Variants in ATP11B observed in about 807,000 individuals in gnomAD.
ATP11B encodes phospholipid-transporting ATPase IF.
A neutral mutation model predicts 157.8 loss-of-function variants in ATP11B; 81 were observed. That is an observed-to-expected ratio of 0.51 (90% confidence interval 0.43 to 0.62). ATP11B has a LOEUF of 0.62. ATP11B is among the 20% of genes least tolerant of loss of function. ATP11B has a pLI of 0.00. For synonymous variants in ATP11B, 451 were observed against 469.4 expected, an observed-to-expected ratio of 0.96 and a Z score of 0.51; for missense variants, 1,165 against 1,402.2, an observed-to-expected ratio of 0.83 and a Z score of 2.70.
At chr3:182,795,983 C>A (rs1011800187) in intron 1 of ATP11B, among the ~76,000 whole-genome samples, 1 of 152,104 alleles carries the variant, frequency 6.6e-6, no homozygotes. Flanking sequence ...ATATTTAATT[C>A]GTTATATGAA....
intron 1 of ATP11B, among the ~76,000 whole-genome samples, chr3:182,798,286 G>A (rs952128): frequency 6.6e-6 from 1 of 152,140 alleles, no homozygotes; most frequent in Non-Finnish European, 1.5e-5. Context: ...GCCCATTGTA[G>A]GTATTCACCT....
intron 19 of ATP11B, among the ~76,000 whole-genome samples, chr3:182,878,628 T>C (rs1180608042): frequency 1.3e-5 from 2 of 152,228 alleles, no homozygotes; most frequent in Non-Finnish European, 2.9e-5. Context: ...GCAGTGAGAC[T>C]GTACTTGGAG....
chr3:182,825,488 G>A (rs1338722437), intron 2 of ATP11B, among the ~76,000 whole-genome samples: 1 of 152,106 alleles, frequency 6.6e-6, no homozygotes, highest in Admixed American at 6.6e-5. Context: ...GGAGGCCAAG[G>A]TGGGCGGATC....
At position 182,793,658 on chromosome 3, in the gene ATP11B, C is replaced by T; in HGVS notation, c.-102C>T. On this transcript the variant is annotated 5_prime_UTR_variant, in exon 1 of 30. Coordinates refer to ENST00000323116, the MANE Select transcript of ATP11B (RefSeq NM_014616.3). ...GCGGCGGCGGCGGTAAGCGGAACTT[C>T]GGCCCGAGGGGCTCGCCCGCTCCCG... 1.4e-6 allele frequency: 1 copy of T among 703,602 alleles called. No homozygotes were observed. The highest frequency in any genetic ancestry group is 2.1e-6 in the Non-Finnish European group (1 of 483,776). 43.6% of individuals were successfully genotyped at this position (703,602 alleles called of 1,614,324 possible).
At chr3:182,811,680 T>C (rs1376038538) in intron 1 of ATP11B, among the ~76,000 whole-genome samples, 3 of 152,226 alleles carry the variant, frequency 2.0e-5, no homozygotes, top group Non-Finnish European at 4.4e-5. Context: ...TGTAGAACAC[T>C]AAGTATATGA....
chr3:182,905,837 C>T (rs1479525019), intron 28 of ATP11B: 1 of 456,724 alleles, frequency 2.2e-6, no homozygotes, highest in Non-Finnish European at 4.4e-6. Flanking sequence ...TATGAATTTG[C>T]TGAAAGCCAG....
chr3:182,914,722 AC>A, intron 29 of ATP11B: 1 of 985,366 alleles, frequency 1.0e-6, no homozygotes, highest in Non-Finnish European at 1.2e-6. Flanking sequence ...GAAAAAAAAC[AC>A]CTTTTGGTAA....
intron 1 of ATP11B, among the ~76,000 whole-genome samples, chr3:182,817,834 G>A (rs1034033127): frequency 6.6e-6 from 1 of 151,524 alleles, no homozygotes; most frequent in African/African-American, 2.4e-5. Context: ...CATAAATTCT[G>A]GTCTTGTGAG....
intron 1 of ATP11B, among the ~76,000 whole-genome samples, chr3:182,795,849 C>G (rs1343663110): frequency 6.6e-6 from 1 of 152,190 alleles, no homozygotes; most frequent in Non-Finnish European, 1.5e-5. Context: ...GATTATACTT[C>G]CAGTGGCTTA....
At chr3:182,867,199 G>A (rs1412115195) in intron 14 of ATP11B, among the ~76,000 whole-genome samples, 177 bp from the exon 15 acceptor site, 3 of 152,098 alleles carry the variant, frequency 2.0e-5, no homozygotes, top group Non-Finnish European at 2.9e-5. Flanking sequence ...GAAGTGCTGG[G>A]ATGACAGGCA....
At chr3:182,873,401 A>G (rs1721806870) in intron 18 of ATP11B, among the ~76,000 whole-genome samples, 1 of 152,202 alleles carries the variant, frequency 6.6e-6, no homozygotes, top group East Asian at 1.9e-4. Context: ...CTAGACCTTT[A>G]TTTTCTACAG....
Position 182,873,978 on chromosome 3 carries a change from A to G in ATP11B, c.2215A>G (p.Ser739Gly), listed in dbSNP as rs767423960. The change falls in exon 19 of 30, where the codon AGC (serine) becomes GGC (glycine). Residue 739 changes from serine to glycine, a missense_variant. By Grantham distance (56) the Ser-to-Gly change is moderately conservative. Transcript: ENST00000323116. The part of the protein sequence containing the change: ...ILELINQKSD[S>G]ECAEQLRQLA... ...TGAACTTATAAACCAGAAATCAGAC[A>G]GCGAGTGTGCTGAACAATTGAGGCA... 6.2e-7 allele frequency: 1 copy of G among 1,614,120 alleles called. No individual in the cohort carries two copies. Among genetic ancestry groups the G allele is most frequent in the East Asian group, 2.2e-5 (1 of 44,862 alleles).
chr3:182,910,104 GTTC>G (rs1724675376), intron 28 of ATP11B, among the ~76,000 whole-genome samples: 2 of 144,794 alleles, frequency 1.4e-5, no homozygotes, highest in African/African-American at 5.1e-5. Flanking sequence ...AAGCAGCTGA[GTTC>G]TTTTTTTTCT....
chr3:182,793,872 G>C, intron 1 of ATP11B, 86 bp downstream of exon 1: 1 of 941,898 alleles, frequency 1.1e-6, no homozygotes, highest in Non-Finnish European at 1.4e-6. Flanking sequence ...CGGCGGCGCG[G>C]AGCCGGGAGG....
Position 182,834,738 on chromosome 3 carries a change from T to C in ATP11B, c.316-1297T>C, listed in dbSNP as rs561836695. Among the ~76,000 whole-genome samples the C allele has an allele frequency of 1.1e-4, 17 of 152,336 alleles. No homozygotes were observed. In the South Asian group the frequency reaches 3.5e-3, roughly 32 times the overall value. On this transcript the variant is annotated intron_variant, in intron 4 of 29. Transcript: ENST00000323116. Reference sequence around the variant, plus strand: ...CTTGTGTCTGTTTCCTTCCTAGTGATGATCCATACAGGCTAACATATTTTT... The same window carrying C: ...CTTGTGTCTGTTTCCTTCCTAGTGACGATCCATACAGGCTAACATATTTTT...
intron 7 of ATP11B, among the ~76,000 whole-genome samples, chr3:182,838,800 T>TATACACAC (rs141453930): frequency 4.6e-5 from 7 of 150,770 alleles, no homozygotes; most frequent in African/African-American, 9.7e-5. Flanking sequence ...TATATATATA[T>TATACACAC]ACACACACAT....
At chr3:182,889,190 T>C (rs1009352376) in intron 24 of ATP11B, among the ~76,000 whole-genome samples, 3 of 152,196 alleles carry the variant, frequency 2.0e-5, no homozygotes, top group Non-Finnish European at 2.9e-5. Flanking sequence ...TGAAGAAATA[T>C]GTTTGAATGT....
chr3:182,880,506 C>CA (rs1278700631), intron 20 of ATP11B, among the ~76,000 whole-genome samples: 1 of 151,958 alleles, frequency 6.6e-6, no homozygotes, highest in Non-Finnish European at 1.5e-5. Context: ...CAAGAGGAAA[C>CA]AATTATTTCT....
rs902759166 is a variant in ATP11B, at chr3:182,903,925, CT to C, written c.3318+5161del. 3.9e-5 allele frequency among the ~76,000 whole-genome samples: 6 copies of C among 152,044 alleles called. No individual in the cohort carries two copies. In the South Asian group the frequency reaches 6.2e-4, roughly 16 times the overall value. ...TCATATATCATACTGGCTTAAACCACTTTTTTTTAGCAAAGCTAGATTTAAG... is the reference window on the plus strand; with the variant it reads ...TCATATATCATACTGGCTTAAACCACTTTTTTTAGCAAAGCTAGATTTAAG... On this transcript the variant is annotated intron_variant, in intron 28 of 29. Transcript: ENST00000323116.
Sources: allele counts gnomAD v4.1 joint callset (sites outside exome capture counted in the v4.1 genomes callset), GRCh38; gene constraint gnomAD v4.1.1; transcripts MANE v1.5; gene names NCBI Gene and HGNC (gene_info 2026-07-23, HGNC 2026-07-21).